The following CDH23 variants were observed in gnomAD, a reference collection of about 807,000 sequenced individuals.
CDH23 encodes the protein cadherin-23.
CDH23 carries 189 observed loss-of-function variants against 317.1 expected under a neutral mutation model. The ratio of observed to expected loss-of-function variants is 0.60; its 90% CI spans 0.53 to 0.67. The LOEUF is 0.67. Ranked by LOEUF, CDH23 falls within the 30% of genes least tolerant of loss-of-function variation. The probability of loss-of-function intolerance (pLI) is 0.00; values close to 1 mark genes in which losing one functional copy is unlikely to be tolerated. For missense variants in CDH23, 4,401 were observed against 4,592.4 expected (o/e 0.96, Z 1.20); for synonymous variants, 1,839 against 1,876.8 (o/e 0.98, Z 0.52).
chr10:71,682,307 G>A (rs1864686062), intron 17 of CDH23, 138 bp from the exon 18 acceptor site: 2 of 1,106,142 alleles, frequency 1.8e-6, no homozygotes, highest in African/African-American at 1.6e-5. Flanking sequence ...AGATGTTGAG[G>A]CTCCAGGTGT....
intron 1 of CDH23, among the ~76,000 whole-genome samples, chr10:71,407,543 A>G (rs1327578877): frequency 6.6e-6 from 1 of 152,166 alleles, no homozygotes; most frequent in Non-Finnish European, 1.5e-5. Flanking sequence ...AGCCCTTCCC[A>G]TCTGTAAAGC....
chr10:71,543,360 G>A (rs1856089516), intron 6 of CDH23, among the ~76,000 whole-genome samples: 1 of 152,140 alleles, frequency 6.6e-6, no homozygotes, highest in South Asian at 2.1e-4. Flanking sequence ...CTGAGGATGG[G>A]GACAGCTCCC....
chr10:71,762,005 A>G (rs1032952373), intron 38 of CDH23: 13 of 1,606,712 alleles, frequency 8.1e-6, no homozygotes, highest in African/African-American at 1.3e-5. Flanking sequence ...CGGCGTGGCG[A>G]CCTTGAAGGC....
chr10:71,577,430 C>G (rs970114031), intron 8 of CDH23, among the ~76,000 whole-genome samples: 5 of 152,084 alleles, frequency 3.3e-5, no homozygotes, highest in African/African-American at 1.2e-4. Context: ...ATGCTTTCAT[C>G]CCTAAAGTAG....
chr10:71,808,180 T>C (rs971224759), intron 60 of CDH23, among the ~76,000 whole-genome samples, 173 bp downstream of exon 60: 10 of 152,226 alleles, frequency 6.6e-5, no homozygotes, highest in Non-Finnish European at 1.0e-4. Context: ...CTCCAGTGTA[T>C]CCACCTATCC....
chr10:71,663,311 G>T (rs771820820), intron 14 of CDH23, among the ~76,000 whole-genome samples: 1 of 152,046 alleles, frequency 6.6e-6, no homozygotes, highest in Non-Finnish European at 1.5e-5. Context: ...TTTTCTCTCC[G>T]TGCCCCGACC....
chr10:71,501,754 A>G (rs2132170437), intron 3 of CDH23, among the ~76,000 whole-genome samples: 1 of 152,356 alleles, frequency 6.6e-6, no homozygotes, highest in African/African-American at 2.4e-5. Context: ...GCAGGCTCCA[A>G]GGCCAGCTCA....
At chr10:71,726,721 G>T (rs866460669) in intron 30 of CDH23, among the ~76,000 whole-genome samples, 19 of 152,338 alleles carry the variant, frequency 1.2e-4, no homozygotes, top group Middle Eastern at 3.4e-3. Context: ...AGCCTGCCTT[G>T]TGTGGGGCCT....
At chr10:71,425,403 G>T (rs1849028545) in intron 1 of CDH23, among the ~76,000 whole-genome samples, 1 of 149,892 alleles carries the variant, frequency 6.7e-6, no homozygotes. Flanking sequence ...AAGGAAGGAA[G>T]GAAGGAAGGA....
intron 38 of CDH23, chr10:71,752,965 T>A: frequency 1.9e-6 from 3 of 1,612,694 alleles, no homozygotes; most frequent in South Asian, 2.2e-5. Context: ...AAGGTCTCCA[T>A]GGGCCTTACC....
At chr10:71,651,885 G>A (rs990470920) in intron 14 of CDH23, among the ~76,000 whole-genome samples, 3 of 152,318 alleles carry the variant, frequency 2.0e-5, no homozygotes, top group Non-Finnish European at 2.9e-5. Flanking sequence ...CATGGGGCAC[G>A]TGTCCCTCTA....
chr10:71,628,053 A>T (rs1439484694), intron 11 of CDH23, among the ~76,000 whole-genome samples: 1 of 152,072 alleles, frequency 6.6e-6, no homozygotes, highest in African/African-American at 2.4e-5. Flanking sequence ...CATACCCCTA[A>T]CAGTGACAGG....
Position 71,815,322 on chromosome 10 carries a change from G to A in CDH23, c.*44G>A, listed in dbSNP as rs142724265. The stretch of plus-strand genomic sequence containing the variant: ...TGGGTGTGAGCAGCACCCATCCACC[G>A]TCCCCTCCCAGGGAGCAAGGGCAGG... On this transcript the variant is annotated 3_prime_UTR_variant, in exon 70 of 70. Transcript: ENST00000224721. The A allele has an allele frequency of 2.2e-4, 331 of 1,491,250 alleles. No individual in the cohort carries two copies. The highest frequency in any genetic ancestry group is 1.3e-3 in the Middle Eastern group (7 of 5,580). The allele number at this position is 1,491,250 out of a possible 1,614,324, so 92.4% of individuals were successfully genotyped here.
chr10:71,476,524 G>A (rs1346582577), intron 3 of CDH23, among the ~76,000 whole-genome samples: 1 of 152,150 alleles, frequency 6.6e-6, no homozygotes, highest in East Asian at 1.9e-4. Flanking sequence ...ATTTGGGGCT[G>A]GAACAGACAC....
At position 71,694,100 on chromosome 10, in the gene CDH23, C is replaced by T. The variant is rs750861634; in HGVS notation, c.2177-47C>T. The T allele has an allele frequency of 1.6e-5, 23 of 1,457,618 alleles. No individual in the cohort carries two copies. The highest frequency in any genetic ancestry group is 2.2e-5 in the Non-Finnish European group (23 of 1,039,958). 90.3% of individuals were successfully genotyped at this position (1,457,618 alleles called of 1,614,324 possible). On this transcript the variant is annotated intron_variant, in intron 20 of 69. Coordinates refer to ENST00000224721, the MANE Select transcript of CDH23 (RefSeq NM_022124.6). ...CTCTCTCTTCTTCCCTCCCTCTCTC[C>T]CTGGCCCACCCAAACCCTCTCACGC...
At chr10:71,730,867 T>TC (rs1839353823) in intron 31 of CDH23, among the ~76,000 whole-genome samples, 1 of 152,190 alleles carries the variant, frequency 6.6e-6, no homozygotes, top group Admixed American at 6.5e-5. Flanking sequence ...AGCTCCGTCA[T>TC]CCCAGGACCC....
chr10:71,473,692 C>T (rs1851635286), intron 3 of CDH23, among the ~76,000 whole-genome samples: 1 of 152,230 alleles, frequency 6.6e-6, no homozygotes, highest in Non-Finnish European at 1.5e-5. Context: ...ACATTTGCTA[C>T]ACTGCCTGGG....
intron 1 of CDH23, among the ~76,000 whole-genome samples, chr10:71,398,625 G>C (rs914622681): frequency 6.6e-6 from 1 of 152,086 alleles, no homozygotes; most frequent in African/African-American, 2.4e-5. Context: ...TGCTTGGTTC[G>C]TGGTGCAGGG....
intron 6 of CDH23, among the ~76,000 whole-genome samples, chr10:71,536,922 C>T (rs557593618): frequency 2.6e-5 from 4 of 152,240 alleles, no homozygotes; most frequent in Admixed American, 6.5e-5. Flanking sequence ...CTCTGCTGTC[C>T]TGCGAGCCTT....
Sources: allele counts gnomAD v4.1 joint callset (sites outside exome capture counted in the v4.1 genomes callset), GRCh38; gene constraint gnomAD v4.1.1; transcripts MANE v1.5; gene names NCBI Gene and HGNC (gene_info 2026-07-23, HGNC 2026-07-21).